Variants in NEGR1 observed in about 807,000 individuals in gnomAD.
NEGR1 encodes the protein neuronal growth regulator 1, also known as IgLON family member 4.
A neutral mutation model predicts 40.9 loss-of-function variants in NEGR1; 10 were observed. The ratio of observed to expected loss-of-function variants is 0.24; its 90% CI spans 0.15 to 0.42. The LOEUF (loss-of-function observed/expected upper bound fraction) is 0.42. Ranked by LOEUF, NEGR1 falls within the 10% of genes least tolerant of loss-of-function variation. NEGR1 has a pLI of 1.00. For missense variants in NEGR1, 352 were observed against 438.9 expected (o/e 0.80, Z 1.77); for synonymous variants, 185 against 166.8 (o/e 1.11, Z -0.84).
At chr1:71,759,003 C>T (rs1417695950) in intron 3 of NEGR1, among the ~76,000 whole-genome samples, 1 of 152,114 alleles carries the variant, frequency 6.6e-6, no homozygotes, top group African/African-American at 2.4e-5. Flanking sequence ...TGTTTTTCTC[C>T]TGAATGTATT....
At chr1:71,482,335 C>T (rs951384916) in intron 6 of NEGR1, among the ~76,000 whole-genome samples, 3 of 151,632 alleles carry the variant, frequency 2.0e-5, no homozygotes, top group African/African-American at 4.8e-5. Context: ...TTTTTTTTAA[C>T]ATAGCAGGCA....
intron 1 of NEGR1, among the ~76,000 whole-genome samples, chr1:72,058,648 G>C (rs932614476): frequency 1.3e-5 from 2 of 151,516 alleles, no homozygotes; most frequent in Non-Finnish European, 3.0e-5. Flanking sequence ...TGTCTTTAAA[G>C]TTTTGTGTTA....
At chr1:71,425,771 C>G (rs560638108) in intron 6 of NEGR1, among the ~76,000 whole-genome samples, 1 of 152,008 alleles carries the variant, frequency 6.6e-6, no homozygotes, top group Non-Finnish European at 1.5e-5. Flanking sequence ...ACAGATGATA[C>G]AGAAAATAGG....
intron 6 of NEGR1, among the ~76,000 whole-genome samples, chr1:71,579,849 T>C (rs945219867): frequency 1.9e-4 from 29 of 152,220 alleles, no homozygotes; most frequent in African/African-American, 6.7e-4. Flanking sequence ...CATTGCAAAA[T>C]AAGCATCCTC....
At position 71,587,664 on chromosome 1, in the gene NEGR1, G is replaced by GCACA. The variant is rs67250351; in HGVS notation, c.940+5149_940+5152dup. 3.4e-3 allele frequency among the ~76,000 whole-genome samples: 508 copies of GCACA among 150,674 alleles called. 5 individuals carry two copies. The highest frequency in any genetic ancestry group is 0.022 in the East Asian group (113 of 5,082). ...CACGAGTACACACACACACACACAT[G>GCACA]CACACACACACACACACACACACAC... is the stretch of plus-strand genomic sequence containing the variant. On this transcript the variant is annotated intron_variant, in intron 6 of 6. Coordinates refer to ENST00000357731, the MANE Select transcript of NEGR1 (RefSeq NM_173808.3).
rs536882421 is a variant in NEGR1 at position 72,165,348 on chromosome 1, A to G, written c.176+116971T>C. Among the ~76,000 whole-genome samples the G allele has an allele frequency of 4.2e-4, 64 of 152,196 alleles. 2 individuals are homozygous for G. In the South Asian group the frequency reaches 0.011, roughly 26 times the overall value. ...AAACAACATTTTAAACAAAGATGTC[A>G]ACATTAACTAATAAAATTATTTCAT... On this transcript the variant is annotated intron_variant, in intron 1 of 6. Transcript: ENST00000357731.
intron 1 of NEGR1, among the ~76,000 whole-genome samples, chr1:71,960,103 A>C (rs1646152285): frequency 6.6e-6 from 1 of 152,136 alleles, no homozygotes; most frequent in Non-Finnish European, 1.5e-5. Flanking sequence ...GGTGCAAGAA[A>C]ATGTCATTGG....
chr1:72,008,624 TCTATAAACAC>T (rs1176883273), intron 1 of NEGR1, among the ~76,000 whole-genome samples: 1 of 152,120 alleles, frequency 6.6e-6, no homozygotes, highest in African/African-American at 2.4e-5. Flanking sequence ...ATTCTGAACT[TCTATAAACAC>T]CTGTGATTGT....
chr1:71,730,488 A>G (rs943534474), intron 3 of NEGR1, among the ~76,000 whole-genome samples: 10 of 149,722 alleles, frequency 6.7e-5, no homozygotes, highest in African/African-American at 2.4e-4. Flanking sequence ...GATGCAAATT[A>G]CTATCATAAT....
intron 2 of NEGR1, among the ~76,000 whole-genome samples, chr1:71,807,375 G>C (rs777444793): frequency 6.6e-6 from 1 of 151,990 alleles, no homozygotes; most frequent in Non-Finnish European, 1.5e-5. Flanking sequence ...ATAGATAAAA[G>C]AGAAGTCAAT....
chr1:72,012,563 G>C (rs1467647950), intron 1 of NEGR1, among the ~76,000 whole-genome samples: 1 of 151,976 alleles, frequency 6.6e-6, no homozygotes, highest in African/African-American at 2.4e-5. Flanking sequence ...TGACTATTTT[G>C]AGCAATGAGA....
At chr1:72,262,407 CACAGGGTTCATT>C (rs1413397206) in intron 1 of NEGR1, among the ~76,000 whole-genome samples, 4 of 151,974 alleles carry the variant, frequency 2.6e-5, no homozygotes, top group Admixed American at 1.3e-4. Context: ...GAGAAGAATA[CACAGGGTTCATT>C]ACTTTTGTCC....
rs1344979414 is a variant in NEGR1, at chr1:71,478,488, C to T, written c.941-70918G>A. ...TGAAAAGGATTTTTCTTTCCTTTGG[C>T]CTTCTTAGTGGCCGTCTCTTTCTCC... is the stretch of plus-strand genomic sequence containing the variant. On this transcript the variant is annotated intron_variant, in intron 6 of 6. Coordinates refer to ENST00000357731, the MANE Select transcript of NEGR1 (RefSeq NM_173808.3). 2.0e-5 allele frequency among the ~76,000 whole-genome samples: 3 copies of T among 151,968 alleles called. No homozygotes were observed. In the South Asian group the frequency reaches 6.2e-4, roughly 31 times the overall value.
At chr1:71,543,453 TAG>T (rs1279566008) in intron 6 of NEGR1, among the ~76,000 whole-genome samples, 1 of 151,752 alleles carries the variant, frequency 6.6e-6, no homozygotes, top group Non-Finnish European at 1.5e-5. Context: ...ATTGAAATAG[TAG>T]AGTCTGACCA....
chr1:71,487,369 CT>C (rs1646894487), intron 6 of NEGR1, among the ~76,000 whole-genome samples: 1 of 151,710 alleles, frequency 6.6e-6, no homozygotes, highest in South Asian at 2.1e-4. Context: ...TCTGTAATCA[CT>C]CCAGAGCTCT....
intron 6 of NEGR1, among the ~76,000 whole-genome samples, chr1:71,444,512 T>C: frequency 6.6e-6 from 1 of 152,162 alleles, no homozygotes; most frequent in East Asian, 1.9e-4. Context: ...ATCATTCTTC[T>C]TTTGATATAA....
chr1:72,170,731 C>T (rs925802243), intron 1 of NEGR1, among the ~76,000 whole-genome samples: 2 of 152,166 alleles, frequency 1.3e-5, no homozygotes, highest in Admixed American at 6.6e-5. Flanking sequence ...CAGAGGCTAA[C>T]ATTTCTTCTG....
intron 1 of NEGR1, among the ~76,000 whole-genome samples, chr1:71,981,413 T>C (rs528086449): frequency 6.6e-6 from 1 of 152,254 alleles, no homozygotes; most frequent in Admixed American, 6.5e-5. Flanking sequence ...TTTACTCATG[T>C]GCTGGGTGGA....
intron 1 of NEGR1, among the ~76,000 whole-genome samples, chr1:71,940,036 CT>C (rs1291442102): frequency 2.0e-4 from 30 of 152,194 alleles, no homozygotes; most frequent in African/African-American, 5.5e-4. Context: ...GTCAGGGGGA[CT>C]ACCTGTTTAG....
Sources: allele counts gnomAD v4.1 joint callset (sites outside exome capture counted in the v4.1 genomes callset), GRCh38; gene constraint gnomAD v4.1.1; transcripts MANE v1.5; gene names NCBI Gene and HGNC (gene_info 2026-07-23, HGNC 2026-07-21).